TNC: variants seen among roughly 807,000 people sequenced by gnomAD.
The protein encoded by TNC is tenascin.
TNC carries 109 observed loss-of-function variants against 202.4 expected under a neutral mutation model. The ratio of observed to expected loss-of-function variants is 0.54; its 90% confidence interval spans 0.46 to 0.63. The LOEUF is 0.63. Among genes scored for constraint, TNC ranks in the 30% least tolerant of loss-of-function variants. TNC has a pLI of 0.00. For synonymous variants in TNC, 1,007 were observed against 1,089.7 expected (o/e 0.92, Z 1.50); for missense variants, 2,756 against 2,833.3 (o/e 0.97, Z 0.62).
At chr9:115,041,508 TAAGAA>T (rs746388469) in intron 18 of TNC, among the ~76,000 whole-genome samples, 47 of 152,346 alleles carry the variant, frequency 3.1e-4, no homozygotes, top group Non-Finnish European at 6.0e-4. Flanking sequence ...AAATTCTACT[TAAGAA>T]AAGAAAGTTG....
chr9:115,046,093 G>A (rs757425250), intron 17 of TNC, among the ~76,000 whole-genome samples: 1 of 152,026 alleles, frequency 6.6e-6, no homozygotes, highest in Non-Finnish European at 1.5e-5. Flanking sequence ...GATGATAATT[G>A]TAACGATGAT....
In TNC at chr9:115,021,188, C is replaced by A. The variant is rs1370938128; in HGVS notation, c.6575G>T (p.Arg2192Ile). 1.9e-6 allele frequency: 3 copies of A among 1,613,636 alleles called. No homozygotes were observed. The change falls in exon 28 of 28, where the codon AGA (arginine) becomes ATA (isoleucine). Residue 2192 changes from arginine to isoleucine, a missense_variant. Transcript: ENST00000350763. ...CCGTTTGCGCCTGCCTTCAAGATTT[C>A]TGAAGTTGCTTGGTCTCAGCTTCAT... ...AEMKLRPSNF[R>I]NLEGRRKRA is the part of the protein sequence containing the mutation.
At chr9:115,050,281 G>A (rs369470737) in intron 15 of TNC, among the ~76,000 whole-genome samples, 3 of 152,036 alleles carry the variant, frequency 2.0e-5, no homozygotes, top group Non-Finnish European at 2.9e-5. Flanking sequence ...CTTTTAAAAC[G>A]CAATCTTTTC....
Position 115,048,247 on chromosome 9 carries a change from T to G in TNC, c.4852+13A>C. The G allele has an allele frequency of 6.2e-7, 1 of 1,609,494 alleles. No homozygotes were observed. The highest frequency in any genetic ancestry group is 8.5e-7 in the Non-Finnish European group (1 of 1,177,060). ...CAGGAAGAGGAACAAATGGCTCACT[T>G]GATTTGAAATACCTGTAACAATCTC... On this transcript the variant is annotated intron_variant, in intron 16 of 27. Transcript: ENST00000350763.
intron 16 of TNC, among the ~76,000 whole-genome samples, chr9:115,047,575 A>G (rs1429837143): frequency 6.6e-6 from 1 of 152,116 alleles, no homozygotes; most frequent in Non-Finnish European, 1.5e-5. Flanking sequence ...ATCCTCTTTA[A>G]CTTTGTTTAA....
chr9:115,114,606 A>G (rs1039554337), intron 1 of TNC, among the ~76,000 whole-genome samples: 3 of 152,198 alleles, frequency 2.0e-5, no homozygotes, highest in Non-Finnish European at 4.4e-5. Context: ...CTGTAAAATC[A>G]ATAGGCACCA....
chr9:115,059,018 A>G (rs1300356335), intron 14 of TNC, among the ~76,000 whole-genome samples: 1 of 152,206 alleles, frequency 6.6e-6, no homozygotes, highest in Non-Finnish European at 1.5e-5. Context: ...CAGTTCTTTG[A>G]CATTCATAGC....
chr9:115,074,375 C>T (rs1438212403), intron 9 of TNC, among the ~76,000 whole-genome samples: 1 of 152,168 alleles, frequency 6.6e-6, no homozygotes, highest in Non-Finnish European at 1.5e-5. Context: ...AGACCTTGCC[C>T]CTTCTGTCCT....
At chr9:115,101,323 T>C (rs912141898) in intron 1 of TNC, among the ~76,000 whole-genome samples, 5 of 152,330 alleles carry the variant, frequency 3.3e-5, no homozygotes, top group Non-Finnish European at 7.3e-5. Flanking sequence ...GCGATTCTCT[T>C]GTCTCAGCCT....
In TNC at chr9:115,073,635, T is replaced by C. The variant is rs1189398843; in HGVS notation, c.3182A>G (p.Lys1061Arg). The part of the protein sequence containing the change: ...VLLTAEKGRH[K>R]SKPARVKAST... ...TGCCTTCACACGTGCGGGCTTGCTC[T>C]TGTGTCTGCCTTTCTCGGCTGTCAG... Residue 1061 changes from lysine to arginine, a missense_variant, in exon 10 of 28, where the codon AAG becomes AGG. By Grantham distance (26) the Lys-to-Arg change is conservative. Coordinates refer to ENST00000350763, the MANE Select transcript of TNC (RefSeq NM_002160.4). The C allele has an allele frequency of 6.2e-7, 1 of 1,614,164 alleles. No individual in the cohort carries two copies. The highest frequency in any genetic ancestry group is 8.5e-7 in the Non-Finnish European group (1 of 1,180,026).
At chr9:115,090,191 C>G (rs1230324687) in intron 2 of TNC, among the ~76,000 whole-genome samples, 1 of 152,110 alleles carries the variant, frequency 6.6e-6, no homozygotes, top group African/African-American at 2.4e-5. Flanking sequence ...ACAGCAGTAC[C>G]TATCAGAGAG....
intron 15 of TNC, chr9:115,055,663 G>A (rs1832060315): frequency 2.0e-5 from 3 of 152,582 alleles, no homozygotes; most frequent in Middle Eastern, 3.4e-3. Context: ...AGCTATCAAA[G>A]GCAGACTCCT....
Position 115,048,384 on chromosome 9 carries a change from T to A in TNC, c.4728A>T (p.Thr1576=). ...SGKLLDPQEF[T]LSGTQRKLEL... The stretch of plus-strand genomic sequence containing the variant: ...CCAGCTTCCTCTGGGTTCCTGAAAG[T>A]GTGAATTCCTGGGGGTCCAGCAGCT... The change falls in exon 16 of 28, where the codon ACA becomes ACT. Residue 1576 remains threonine (T), a synonymous_variant. Coordinates refer to ENST00000350763, the MANE Select transcript of TNC (RefSeq NM_002160.4). 9 of 1,614,054 alleles carry A rather than the reference T, an allele frequency of 5.6e-6. No individual in the cohort carries two copies. Among genetic ancestry groups the A allele is most frequent in the Non-Finnish European group, 7.6e-6 (9 of 1,179,968 alleles).
At chr9:115,080,762 A>C (rs2133286147) in intron 6 of TNC, among the ~76,000 whole-genome samples, 1 of 152,244 alleles carries the variant, frequency 6.6e-6, no homozygotes, top group South Asian at 2.1e-4. Flanking sequence ...ATACAAAAAA[A>C]TTAGCCAGAT....
intron 25 of TNC, 39 bp from the exon 26 acceptor site, chr9:115,026,734 G>T: frequency 1.9e-6 from 3 of 1,605,540 alleles, no homozygotes; most frequent in East Asian, 2.2e-5. Flanking sequence ...AAGCACAGGT[G>T]ACTGAGGCCC....
At chr9:115,029,035 GAAAA>G (rs71375266) in intron 25 of TNC, among the ~76,000 whole-genome samples, 2 of 71,214 alleles carry the variant, frequency 2.8e-5, no homozygotes, top group African/African-American at 1.1e-4. Flanking sequence ...ATTATCTCTG[GAAAA>G]AAAAAAAAAA....
Position 115,082,568 on chromosome 9 carries a change from C to T in TNC, c.2247+124G>A, listed in dbSNP as rs143716031. The T allele has an allele frequency of 1.1e-3, 678 of 644,992 alleles. 10 individuals carry two copies. The East Asian group carries it at 0.016, about 15-fold the overall frequency. The allele number at this position is 644,992 out of a possible 1,614,324, so 40.0% of individuals were successfully genotyped here. On this transcript the variant is annotated intron_variant, in intron 5 of 27. Transcript: ENST00000350763. The stretch of plus-strand genomic sequence containing the variant: ...AATATAGATGCAAACACAAATGATG[C>T]TAATGAGAGCCTTGTCCTCCACCAA...
chr9:115,080,464 A>G (rs1834219666), intron 6 of TNC, among the ~76,000 whole-genome samples: 1 of 152,180 alleles, frequency 6.6e-6, no homozygotes, highest in African/African-American at 2.4e-5. Context: ...TAAATGCAAG[A>G]TGTTCTTTCT....
At chr9:115,056,216 G>C (rs1159195414) in intron 15 of TNC, among the ~76,000 whole-genome samples, 5 of 151,650 alleles carry the variant, frequency 3.3e-5, no homozygotes. Flanking sequence ...TTTTTTTCTA[G>C]TTTGTGATTT....
Sources: gnomAD v4.1 joint callset for allele counts (sites outside exome capture counted in the v4.1 genomes callset) on GRCh38, gnomAD v4.1.1 for gene constraint, MANE v1.5 for transcripts, NCBI Gene and HGNC (gene_info 2026-07-23, HGNC 2026-07-21) for gene names.